The following SGIP1 variants were observed in gnomAD, a reference collection of about 807,000 sequenced individuals.
SGIP1 encodes SH3GL interacting endocytic adaptor 1.
In SGIP1, 38 loss-of-function variants were observed where a neutral mutation model predicts 107.5. The ratio of observed to expected loss-of-function variants is 0.35; its 90% CI spans 0.27 to 0.46. SGIP1 has a LOEUF of 0.46. SGIP1 is among the 20% of genes least tolerant of loss of function. The probability of loss-of-function intolerance (pLI) is 1.00; values close to 1 mark genes in which losing one functional copy is unlikely to be tolerated. For missense variants in SGIP1, 929 were observed against 1,019.5 expected (o/e 0.91, Z 1.21); for synonymous variants, 365 against 366.1 (o/e 1.00, Z 0.03).
intron 20 of SGIP1, among the ~76,000 whole-genome samples, chr1:66,733,385 T>C (rs2094104462): frequency 6.6e-6 from 1 of 152,196 alleles, no homozygotes; most frequent in Non-Finnish European, 1.5e-5. Flanking sequence ...AGTTCCTTAA[T>C]TGCCTTAACT....
chr1:66,591,105 C>G (rs2063547206), intron 1 of SGIP1, among the ~76,000 whole-genome samples: 1 of 152,186 alleles, frequency 6.6e-6, no homozygotes, highest in Non-Finnish European at 1.5e-5. Context: ...CTTTTCTGTA[C>G]AGTTGAGCAC....
At chr1:66,682,585 C>A (rs1293131649) in intron 15 of SGIP1, among the ~76,000 whole-genome samples, 1 of 152,070 alleles carries the variant, frequency 6.6e-6, no homozygotes, top group African/African-American at 2.4e-5. Flanking sequence ...GCACTCCCAG[C>A]CCTTAGGTGT....
chr1:66,662,044 A>T (rs2081597667), intron 8 of SGIP1, among the ~76,000 whole-genome samples: 1 of 152,224 alleles, frequency 6.6e-6, no homozygotes, highest in Admixed American at 6.5e-5. Context: ...CCGTAATCTA[A>T]CTTGTAATAT....
chr1:66,611,447 G>A (rs957624419), intron 1 of SGIP1, among the ~76,000 whole-genome samples: 11 of 152,236 alleles, frequency 7.2e-5, no homozygotes, highest in Admixed American at 1.3e-4. Context: ...AGCTGTTGCT[G>A]GGGAGTGGCT....
Position 66,642,719 on chromosome 1 carries a change from C to T in SGIP1, c.229-91C>T. Reference sequence around the variant, plus strand: ...TCATCTCCTAAAAGAAAAGACTTTTCTATATCCTTAAATAGAAGACTCTAG... The same window carrying T: ...TCATCTCCTAAAAGAAAAGACTTTTTTATATCCTTAAATAGAAGACTCTAG... On this transcript the variant is annotated intron_variant, in intron 5 of 24. Transcript: ENST00000371037. The T allele has an allele frequency of 1.2e-5, 13 of 1,100,236 alleles. No individual in the cohort carries two copies. In the South Asian group the frequency reaches 2.5e-4, roughly 22 times the overall value. The allele number at this position is 1,100,236 out of a possible 1,614,324, so 68.2% of individuals were successfully genotyped here.
At chr1:66,582,121 A>G (rs2061905979) in intron 1 of SGIP1, among the ~76,000 whole-genome samples, 1 of 152,056 alleles carries the variant, frequency 6.6e-6, no homozygotes, top group South Asian at 2.1e-4. Flanking sequence ...CCATTCTGCC[A>G]TGCTTTTAGA....
chr1:66,652,413 T>C (rs1348589082), intron 7 of SGIP1, among the ~76,000 whole-genome samples: 3 of 152,168 alleles, frequency 2.0e-5, no homozygotes, highest in African/African-American at 7.2e-5. Context: ...TGACCTACCC[T>C]GGCGTGTAGG....
At chr1:66,536,223 G>A (rs2053570590) in intron 1 of SGIP1, among the ~76,000 whole-genome samples, 1 of 136,542 alleles carries the variant, frequency 7.3e-6, no homozygotes, top group African/African-American at 2.9e-5. Flanking sequence ...AATGAACAAT[G>A]TTATCTTAGC....
At chr1:66,683,255 C>T (rs1360233566) in intron 15 of SGIP1, among the ~76,000 whole-genome samples, 3 of 152,186 alleles carry the variant, frequency 2.0e-5, no homozygotes, top group East Asian at 1.9e-4. Context: ...CATCCCCCAG[C>T]GCTTTCCTTC....
rs564365046 is a variant in SGIP1 at position 66,571,247 on chromosome 1, G to T, written c.10+36879G>T. Among the ~76,000 whole-genome samples the T allele has an allele frequency of 4.6e-5, 7 of 152,112 alleles. No homozygotes were observed. The South Asian group carries it at 1.5e-3, about 32-fold the overall frequency. On this transcript the variant is annotated intron_variant, in intron 1 of 24. Coordinates refer to ENST00000371037, the MANE Select transcript of SGIP1 (RefSeq NM_032291.4). ...GAAAAGGTCCTAGGACATTACATCA[G>T]GTTTCTCCAGTAACTCAACGTTAAC... is the stretch of plus-strand genomic sequence containing the variant.
intron 7 of SGIP1, among the ~76,000 whole-genome samples, chr1:66,655,274 T>C (rs2079523463): frequency 6.6e-6 from 1 of 151,976 alleles, no homozygotes; most frequent in Admixed American, 6.6e-5. Flanking sequence ...CCTGGCTCCC[T>C]GGGAGCCCTC....
chr1:66,571,640 G>A (rs573066798), intron 1 of SGIP1, among the ~76,000 whole-genome samples: 1 of 152,130 alleles, frequency 6.6e-6, no homozygotes, highest in South Asian at 2.1e-4. Flanking sequence ...GTTCAGTCAT[G>A]TAACTCTTAA....
intron 7 of SGIP1, among the ~76,000 whole-genome samples, chr1:66,656,099 A>C (rs2079725619): frequency 6.6e-6 from 1 of 152,168 alleles, no homozygotes; most frequent in South Asian, 2.1e-4. Context: ...GCTTTTTTCT[A>C]TTAAAAATTT....
intron 3 of SGIP1, chr1:66,634,220 C>T: frequency 7.6e-7 from 1 of 1,317,824 alleles, no homozygotes; most frequent in Non-Finnish European, 1.1e-6. Context: ...TCCCTGGGTT[C>T]TCTGGTCCCC....
At chr1:66,595,032 G>A (rs567830348) in intron 1 of SGIP1, among the ~76,000 whole-genome samples, 36 of 152,288 alleles carry the variant, frequency 2.4e-4, no homozygotes, top group African/African-American at 7.9e-4. Context: ...TTCCTGGCTT[G>A]AGCCATCCTT....
intron 1 of SGIP1, among the ~76,000 whole-genome samples, chr1:66,537,054 T>C (rs1291030259): frequency 6.6e-6 from 1 of 152,178 alleles, no homozygotes; most frequent in East Asian, 1.9e-4. Context: ...CAATCATAGA[T>C]GATAAATGTT....
Position 66,625,860 on chromosome 1 carries a change from T to C in SGIP1, c.24T>C (p.Arg8=), listed in dbSNP as rs763851214. The change falls in exon 2 of 25, where the codon CGT becomes CGC. Residue 8 remains arginine, a synonymous_variant. Transcript: ENST00000371037. The part of the protein sequence containing the change: MMEGLKK[R]TRKAFGIRKK... ...GTTTTCCCACAGGATTGAAAAAACGTACAAGGAAGGCCTTTGGAATACGGA... is the reference window on the plus strand; with the variant it reads ...GTTTTCCCACAGGATTGAAAAAACGCACAAGGAAGGCCTTTGGAATACGGA... The C allele has an allele frequency of 3.1e-6, 5 of 1,612,318 alleles. No homozygotes were observed. The Admixed American group carries it at 8.3e-5, about 27-fold the overall frequency.
chr1:66,609,399 C>T (rs1464655871), intron 1 of SGIP1, among the ~76,000 whole-genome samples: 1 of 152,094 alleles, frequency 6.6e-6, no homozygotes, highest in East Asian at 1.9e-4. Flanking sequence ...AAGAGAGAGT[C>T]ATCCAAACAG....
At chr1:66,571,599 T>A (rs2060390174) in intron 1 of SGIP1, among the ~76,000 whole-genome samples, 1 of 152,034 alleles carries the variant, frequency 6.6e-6, no homozygotes. Context: ...CTCTCCTTCA[T>A]GTTTGTTTAA....
Sources: gnomAD v4.1 joint callset for allele counts (sites outside exome capture counted in the v4.1 genomes callset) on GRCh38, gnomAD v4.1.1 for gene constraint, MANE v1.5 for transcripts, NCBI Gene and HGNC (gene_info 2026-07-23, HGNC 2026-07-21) for gene names.